Variants in FOXK1 observed in about 807,000 individuals in gnomAD.
FOXK1 encodes the protein forkhead box K1.
FOXK1 carries 19 observed loss-of-function variants against 51.9 expected under a neutral mutation model. That is an observed-to-expected ratio of 0.37 (90% CI 0.26 to 0.54). The LOEUF is 0.54. Among genes scored for constraint, FOXK1 ranks in the 20% least tolerant of loss-of-function variants. The pLI, the probability that FOXK1 is intolerant of heterozygous loss-of-function variation, is 0.87. For missense variants in FOXK1, 870 were observed against 1,032.7 expected (o/e 0.84, Z 2.16); for synonymous variants, 537 against 482.6 (o/e 1.11, Z -1.48).
intron 1 of FOXK1, among the ~76,000 whole-genome samples, chr7:4,737,035 C>T (rs1780561235): frequency 6.6e-6 from 1 of 152,306 alleles, no homozygotes; most frequent in Admixed American, 6.5e-5. Context: ...AGAGGGGGAC[C>T]ATGCTCCTCT....
chr7:4,716,962 G>C (rs1295604254), intron 1 of FOXK1, among the ~76,000 whole-genome samples: 1 of 152,024 alleles, frequency 6.6e-6, no homozygotes, highest in Non-Finnish European at 1.5e-5. Flanking sequence ...CGCATGGCTG[G>C]GAGGCGTGTG....
intron 1 of FOXK1, among the ~76,000 whole-genome samples, chr7:4,706,658 A>G (rs964427958): frequency 6.6e-6 from 1 of 152,386 alleles, no homozygotes; most frequent in African/African-American, 2.4e-5. Flanking sequence ...TGTGATTTAC[A>G]GTTCTGTCTG....
intron 1 of FOXK1, among the ~76,000 whole-genome samples, chr7:4,738,774 G>A (rs1378087976): frequency 6.6e-6 from 1 of 152,180 alleles, no homozygotes; most frequent in African/African-American, 2.4e-5. Context: ...GCCTGGCACT[G>A]AACGATGCGG....
Position 4,770,733 on chromosome 7 carries a change from AGAT to A in FOXK1, c.*8272_*8274del, listed in dbSNP as rs1781086386. 6.6e-6 allele frequency: 1 copy of A among 152,130 alleles called. No homozygotes were observed. Among genetic ancestry groups the A allele is most frequent in the Non-Finnish European group, 1.5e-5 (1 of 68,056 alleles). The allele number at this position is 152,130 out of a possible 1,614,324, so 9.4% of individuals were successfully genotyped here. Reference sequence around the variant, plus strand: ...GACACTTGGGCTGCACGTGCCCTGCAGATGACAAAGGCCGGCAGCTCAGCACAC... The same window carrying A: ...GACACTTGGGCTGCACGTGCCCTGCAGACAAAGGCCGGCAGCTCAGCACAC... On this transcript the variant is annotated 3_prime_UTR_variant, in exon 9 of 9. Coordinates refer to ENST00000328914, the MANE Select transcript of FOXK1 (RefSeq NM_001037165.2).
chr7:4,752,342 A>G (rs1181350290), intron 2 of FOXK1, among the ~76,000 whole-genome samples: 1 of 152,186 alleles, frequency 6.6e-6, no homozygotes, highest in African/African-American at 2.4e-5. Context: ...TGGGGGTGTC[A>G]CTATGTTGCC....
intron 1 of FOXK1, among the ~76,000 whole-genome samples, chr7:4,694,698 T>C (rs1015316796): frequency 5.3e-5 from 8 of 152,194 alleles, no homozygotes; most frequent in African/African-American, 1.7e-4. Flanking sequence ...CAGCCTTGTC[T>C]GTAGGATGAC....
intron 1 of FOXK1, among the ~76,000 whole-genome samples, chr7:4,697,774 TG>T (rs1779972281): frequency 6.6e-6 from 1 of 151,648 alleles, no homozygotes; most frequent in Admixed American, 6.6e-5. Flanking sequence ...TGTGTGTGTG[TG>T]TGTGTGTGTG....
In FOXK1 at chr7:4,689,672, A is replaced by G. The variant is rs570693948; in HGVS notation, c.560+6804A>G. Among the ~76,000 whole-genome samples the G allele has an allele frequency of 5.3e-5, 8 of 152,356 alleles. No homozygotes were observed. In the East Asian group the frequency reaches 1.5e-3, roughly 29 times the overall value. ...ACTTGAAGAATATGGAATTAGTTAT[A>G]CAATTAGTTATACGTTGTATAACCA... On this transcript the variant is annotated intron_variant, in intron 1 of 8. Transcript: ENST00000328914.
rs1225768037 is a variant in FOXK1 at position 4,723,070 on chromosome 7, A to G, written c.561-17768A>G. The stretch of plus-strand genomic sequence containing the variant: ...TATCAGCTTGTGATCCCGAACAAAA[A>G]CCCGTCTTCCCAAGCCTGTTGACGA... On this transcript the variant is annotated intron_variant, in intron 1 of 8. Transcript: ENST00000328914. This position sits in a 1 kb window ranked among gnomAD's most constrained non-coding sequence, Gnocchi z 4.7. Among the ~76,000 whole-genome samples, 25 of 151,616 alleles carry G rather than the reference A, an allele frequency of 1.6e-4. No individual in the cohort carries two copies. Among genetic ancestry groups the G allele is most frequent in the Admixed American group, 1.6e-3 (25 of 15,200 alleles).
rs1318914708 is a variant in FOXK1 at position 4,709,058 on chromosome 7, T to A, written c.560+26190T>A. Among the ~76,000 whole-genome samples, 1 of 135,240 alleles carries A rather than the reference T, an allele frequency of 7.4e-6. No homozygotes were observed. Among genetic ancestry groups the A allele is most frequent in the Non-Finnish European group, 1.5e-5 (1 of 64,922 alleles). The allele number at this position is 135,240 out of a possible 152,430, so 88.7% of individuals were successfully genotyped here. A position where few individuals can be genotyped will look rare whatever the true frequency, so the allele number is the denominator to read the frequency against. ...CCAGCCTGGGCAATGAGCGAGACTC[T>A]GTCTCAAAAAAAAAAAAAAAAGAAA... On this transcript the variant is annotated intron_variant, in intron 1 of 8. Coordinates refer to ENST00000328914, the MANE Select transcript of FOXK1 (RefSeq NM_001037165.2). The surrounding 1 kb of genome is among the most constrained non-coding windows in gnomAD (Gnocchi z 5.6).
In FOXK1 at chr7:4,735,286, A is replaced by G. The variant is rs1780537868; in HGVS notation, c.561-5552A>G. 6.6e-6 allele frequency among the ~76,000 whole-genome samples: 1 copy of G among 152,020 alleles called. No individual in the cohort carries two copies. The highest frequency in any genetic ancestry group is 1.5e-5 in the Non-Finnish European group (1 of 67,996). ...CAGCTTCTGGGTGGACCTGGGAAAAACCCAGGGCTGGAGTAGACCCTCAGT... is the reference window on the plus strand; with the variant it reads ...CAGCTTCTGGGTGGACCTGGGAAAAGCCCAGGGCTGGAGTAGACCCTCAGT... On this transcript the variant is annotated intron_variant, in intron 1 of 8. Coordinates refer to ENST00000328914, the MANE Select transcript of FOXK1 (RefSeq NM_001037165.2). The surrounding 1 kb of genome is among the most constrained non-coding windows in gnomAD (Gnocchi z 4.7).
chr7:4,727,691 T>G (rs1280819212), intron 1 of FOXK1, among the ~76,000 whole-genome samples: 2 of 152,244 alleles, frequency 1.3e-5, no homozygotes, highest in Admixed American at 1.3e-4. Context: ...TGTCCGTCCC[T>G]GCGGCAGACT....
rs905810274 is a variant in FOXK1, at chr7:4,704,083, C to T, written c.560+21215C>T. Among the ~76,000 whole-genome samples, 6 of 152,168 alleles carry T rather than the reference C, an allele frequency of 3.9e-5. No individual in the cohort carries two copies. The East Asian group carries it at 1.2e-3, about 29-fold the overall frequency. ...TGGTAGCGTCTGCCAGTAGCCACAC[C>T]GAAAGGGTCTACCAAGGGTACACTA... On this transcript the variant is annotated intron_variant, in intron 1 of 8. Coordinates refer to ENST00000328914, the MANE Select transcript of FOXK1 (RefSeq NM_001037165.2).
At position 4,759,649 on chromosome 7, in the gene FOXK1, C is replaced by T. The variant is rs542129332; in HGVS notation, c.1696+54C>T. The T allele has an allele frequency of 3.1e-5, 47 of 1,494,846 alleles. 1 individual carries two copies. The Middle Eastern group carries it at 8.8e-4, about 28-fold the overall frequency. The allele number at this position is 1,494,846 out of a possible 1,614,324, so 92.6% of individuals were successfully genotyped here. A position where few individuals can be genotyped will look rare whatever the true frequency, so the allele number is the denominator to read the frequency against. On this transcript the variant is annotated intron_variant, in intron 7 of 8. Transcript: ENST00000328914. The stretch of plus-strand genomic sequence containing the variant: ...CAGGACCCTTTGTGGTGGTCCCGGC[C>T]GGCAAGTCCCCAAGGCAGCGCCATT...
At chr7:4,754,312 T>C (rs1780814910) in intron 2 of FOXK1, 147 bp from the exon 3 acceptor site, 1 of 883,364 alleles carries the variant, frequency 1.1e-6, no homozygotes, top group African/African-American at 1.7e-5. Context: ...TGCGTGACCT[T>C]GGCCGGGCAG....
chr7:4,691,479 T>C (rs1779890564), intron 1 of FOXK1, among the ~76,000 whole-genome samples: 1 of 152,064 alleles, frequency 6.6e-6, no homozygotes, highest in African/African-American at 2.4e-5. Context: ...GAGTTACAGG[T>C]GCCTGCCACC....
Position 4,761,537 on chromosome 7 carries a change from G to A in FOXK1, c.1921+249G>A, listed in dbSNP as rs1011012300. ...GAGCTCAGGAGTTCGAGACCAGCCC[G>A]GGCAACATAGCAAGACCCCATCTCT... On this transcript the variant is annotated intron_variant, in intron 8 of 8. Coordinates refer to ENST00000328914, the MANE Select transcript of FOXK1 (RefSeq NM_001037165.2). The surrounding 1 kb of genome is among the most constrained non-coding windows in gnomAD (Gnocchi z 6.2). Among the ~76,000 whole-genome samples, 9 of 152,106 alleles carry A rather than the reference G, an allele frequency of 5.9e-5. No individual in the cohort carries two copies. Among genetic ancestry groups the A allele is most frequent in the South Asian group, 2.1e-4 (1 of 4,822 alleles).
At chr7:4,691,993 T>C (rs1179423279) in intron 1 of FOXK1, among the ~76,000 whole-genome samples, 1 of 152,158 alleles carries the variant, frequency 6.6e-6, no homozygotes, top group Admixed American at 6.6e-5. Flanking sequence ...TCCTACACAT[T>C]ACTGGGGACC....
chr7:4,757,719 T>G (rs1263253241), intron 5 of FOXK1, among the ~76,000 whole-genome samples: 1 of 151,408 alleles, frequency 6.6e-6, no homozygotes, highest in Non-Finnish European at 1.5e-5. Context: ...GCAGGTACAT[T>G]TGTTAGGGAT....
Sources: allele counts gnomAD v4.1 joint callset (sites outside exome capture counted in the v4.1 genomes callset), GRCh38; gene constraint gnomAD v4.1.1; non-coding constraint Gnocchi (gnomAD v3.1); transcripts MANE v1.5; gene names NCBI Gene and HGNC (gene_info 2026-07-23, HGNC 2026-07-21).